Variants in ABCC12 observed in about 807,000 individuals in gnomAD.
ABCC12 encodes ATP binding cassette subfamily C member 12.
In ABCC12, 142 loss-of-function variants were observed where a neutral mutation model predicts 151.1. The ratio of observed to expected loss-of-function variants is 0.94; its 90% confidence interval spans 0.82 to 1.08. The LOEUF (loss-of-function observed/expected upper bound fraction) is 1.08, where lower values mean the gene tolerates loss of function less well. ABCC12 is among the 50% of genes least tolerant of loss of function. The pLI, the probability that ABCC12 is intolerant of heterozygous loss-of-function variation, is 0.00. For synonymous variants in ABCC12, 645 were observed against 646.4 expected, an observed-to-expected ratio of 1.00 and a Z score of 0.03; for missense variants, 1,638 against 1,691.1, an observed-to-expected ratio of 0.97 and a Z score of 0.55.
Position 48,105,294 on chromosome 16 carries a change from C to T in ABCC12, c.2518G>A (p.Gly840Ser), listed in dbSNP as rs777150842. Reference sequence around the variant, plus strand: ...TGACCGATGTCTGCCAGCACCGCGCCGACCTCACACATGGTCCTGTTGCCC... The same window carrying T: ...TGACCGATGTCTGCCAGCACCGCGCTGACCTCACACATGGTCCTGTTGCCC... ...PQGNRTMCEV[G>S]AVLADIGQHV... Residue 840 changes from glycine (G) to serine (S), a missense_variant, in exon 21 of 31, where the codon GGC becomes AGC. Transcript: ENST00000311303. 1.5e-5 allele frequency: 25 copies of T among 1,613,322 alleles called. No individual in the cohort carries two copies. Among genetic ancestry groups the T allele is most frequent in the Admixed American group, 8.3e-5 (5 of 59,956 alleles).
At position 48,111,668 on chromosome 16, in the gene ABCC12, G is replaced by A. The variant is rs1466565956; in HGVS notation, c.2125-6C>T. Reference sequence around the variant, plus strand: ...TTGTAAAGGTGTTCAGGATCCTGGAGACAAAATGAAATTCCTTCTGAATGC... The same window carrying A: ...TTGTAAAGGTGTTCAGGATCCTGGAAACAAAATGAAATTCCTTCTGAATGC... On this transcript the variant is annotated splice_region_variant and splice_polypyrimidine_tract_variant and intron_variant, in intron 16 of 30. Coordinates refer to ENST00000311303, the MANE Select transcript of ABCC12 (RefSeq NM_001393797.1). The A allele has an allele frequency of 1.2e-6, 2 of 1,614,120 alleles. No homozygotes were observed. The highest frequency in any genetic ancestry group is 2.2e-5 in the South Asian group (2 of 91,068).
intron 2 of ABCC12, among the ~76,000 whole-genome samples, chr16:48,151,554 C>G (rs1368260550): frequency 6.6e-6 from 1 of 152,202 alleles, no homozygotes; most frequent in African/African-American, 2.4e-5. Flanking sequence ...ACCATACTAA[C>G]ATGAGATGTT....
chr16:48,100,853 G>C lies in ABCC12; in HGVS notation c.3038+19C>G, dbSNP rs757329046. On this transcript the variant is annotated intron_variant, in intron 23 of 30. Transcript: ENST00000311303. ...CATGAAGCATGGGGGCCTGGGGCAG[G>C]GCCCCACATGGGACTCACTAGGTGA... 1.2e-6 allele frequency: 2 copies of C among 1,612,172 alleles called. No homozygotes were observed. The highest frequency in any genetic ancestry group is 4.5e-5 in the East Asian group (2 of 44,876).
rs1254060743 is a variant in ABCC12 at position 48,082,074 on chromosome 16, A to G, written c.*1641T>C. 1.3e-5 allele frequency among the ~76,000 whole-genome samples: 2 copies of G among 152,316 alleles called. No homozygotes were observed. The highest frequency in any genetic ancestry group is 1.9e-4 in the East Asian group (1 of 5,182). On this transcript the variant is annotated 3_prime_UTR_variant, in exon 31 of 31. Transcript: ENST00000311303. ...TGACCTTCAGTCAGGGTCATGCACC[A>G]TGGGGGAAAGCTCAGATCAGGCAAA... is the stretch of plus-strand genomic sequence containing the variant.
At chr16:48,126,401 C>T (rs1473524895) in intron 11 of ABCC12, among the ~76,000 whole-genome samples, 3 of 152,086 alleles carry the variant, frequency 2.0e-5, no homozygotes, top group East Asian at 1.9e-4. Context: ...TTCGGGATAA[C>T]GACATAACTG....
chr16:48,117,948 A>C (rs2150629873), intron 13 of ABCC12, among the ~76,000 whole-genome samples: 2 of 152,308 alleles, frequency 1.3e-5, no homozygotes, highest in Middle Eastern at 6.8e-3. Flanking sequence ...AGGGGGCGGA[A>C]TGGGAGAGAG....
At chr16:48,099,730 G>A (rs1400457516) in intron 23 of ABCC12, among the ~76,000 whole-genome samples, 3 of 152,124 alleles carry the variant, frequency 2.0e-5, no homozygotes, top group Non-Finnish European at 2.9e-5. Flanking sequence ...CTGGCCTCTC[G>A]CCTTGTCTTC....
chr16:48,142,710 G>GA (rs1431026945), intron 4 of ABCC12, among the ~76,000 whole-genome samples: 1 of 152,150 alleles, frequency 6.6e-6, no homozygotes, highest in East Asian at 1.9e-4. Flanking sequence ...GCAGCTGCTG[G>GA]AAAAAATGAA....
At chr16:48,089,050 G>A (rs1962762353) in intron 25 of ABCC12, among the ~76,000 whole-genome samples, 1 of 152,252 alleles carries the variant, frequency 6.6e-6, no homozygotes, top group Admixed American at 6.5e-5. Context: ...CATTGGACCT[G>A]AGGGCTGGAG....
At chr16:48,101,361 A>C (rs1597306434) in intron 22 of ABCC12, among the ~76,000 whole-genome samples, 1 of 152,232 alleles carries the variant, frequency 6.6e-6, no homozygotes, top group East Asian at 1.9e-4. Flanking sequence ...GTGCCCAGCC[A>C]GAGAAAAAGT....
chr16:48,112,636 T>C (rs900325577), intron 15 of ABCC12, among the ~76,000 whole-genome samples: 1 of 152,006 alleles, frequency 6.6e-6, no homozygotes, highest in African/African-American at 2.4e-5. Context: ...TCATGGAGAT[T>C]TGGAAAATAA....
rs986990830 is a variant in ABCC12 at position 48,143,957 on chromosome 16, G to C, written c.228C>G (p.Thr76=). The change falls in exon 4 of 31, where the codon ACC becomes ACG. Residue 76 remains threonine (T), a synonymous_variant. Coordinates refer to ENST00000311303, the MANE Select transcript of ABCC12 (RefSeq NM_001393797.1). ...AGTCATATGTCGACAATGGGGGCAGGGTGTCTACGGTCAGCCTTTGCCGGT... is the reference window on the plus strand; with the variant it reads ...AGTCATATGTCGACAATGGGGGCAGCGTGTCTACGGTCAGCCTTTGCCGGT... The part of the protein sequence containing the change: ...KGYRQRLTVD[T]LPPLSTYDSS... The C allele has an allele frequency of 1.2e-6, 2 of 1,614,082 alleles. No individual in the cohort carries two copies. The highest frequency in any genetic ancestry group is 8.5e-7 in the Non-Finnish European group (1 of 1,180,046).
chr16:48,085,969 T>G (rs976981695), intron 28 of ABCC12, among the ~76,000 whole-genome samples: 15 of 152,162 alleles, frequency 9.9e-5, no homozygotes, highest in African/African-American at 3.6e-4. Flanking sequence ...ATGATGCAGA[T>G]GCAGTCCCAG....
chr16:48,127,215 G>A (rs1213962230), intron 11 of ABCC12, among the ~76,000 whole-genome samples: 1 of 152,184 alleles, frequency 6.6e-6, no homozygotes, highest in Admixed American at 6.5e-5. Flanking sequence ...CAGGGAAAGA[G>A]TGAGTCAACA....
Position 48,146,460 on chromosome 16 carries a change from G to C in ABCC12, c.-36C>G, listed in dbSNP as rs1368430780. On this transcript the variant is annotated 5_prime_UTR_variant, in exon 3 of 31. Coordinates refer to ENST00000311303, the MANE Select transcript of ABCC12 (RefSeq NM_001393797.1). ...GCCTGGAGCCCTGGGCTTTTGGCCT[G>C]GGGACACTTTCACTCTATGGCAGAG... 1 of 1,554,836 alleles carries C rather than the reference G, an allele frequency of 6.4e-7. No homozygotes were observed. The highest frequency in any genetic ancestry group is 2.2e-5 in the East Asian group (1 of 44,612).
intron 24 of ABCC12, among the ~76,000 whole-genome samples, chr16:48,095,282 T>C (rs779630243): frequency 2.6e-5 from 4 of 152,184 alleles, no homozygotes; most frequent in Non-Finnish European, 5.9e-5. Context: ...CATTCTCTCT[T>C]GTCTGCCACC....
At chr16:48,085,207 T>C (rs766021694) in intron 29 of ABCC12, among the ~76,000 whole-genome samples, 1 of 152,116 alleles carries the variant, frequency 6.6e-6, no homozygotes, top group Non-Finnish European at 1.5e-5. Flanking sequence ...TAAGTATAAA[T>C]TCTACAATTC....
At chr16:48,086,568 T>C in intron 28 of ABCC12, 173 bp downstream of exon 28, 1 of 611,878 alleles carries the variant, frequency 1.6e-6, no homozygotes, top group Non-Finnish European at 2.9e-6. Flanking sequence ...GCCCTATTGT[T>C]GCTTTTAATA....
In ABCC12 at chr16:48,105,333, T is replaced by G. The variant is rs765125219; in HGVS notation, c.2479A>C (p.Thr827Pro). Residue 827 changes from threonine to proline, a missense_variant, in exon 21 of 31, where the codon ACC becomes CCC. Coordinates refer to ENST00000311303, the MANE Select transcript of ABCC12 (RefSeq NM_001393797.1). The part of the protein sequence containing the change: ...GLWLDKGSRM[T>P]CGPQGNRTMC... ...GTCCTGTTGCCCTGGGGCCCACAGG[T>G]CATCTTTGGAGAAAAACAAGAGAAG... The G allele has an allele frequency of 3.1e-6, 5 of 1,606,186 alleles. No individual in the cohort carries two copies. In the African/African-American group the frequency reaches 4.0e-5, roughly 13 times the overall value.
Sources: allele counts gnomAD v4.1 joint callset (sites outside exome capture counted in the v4.1 genomes callset), GRCh38; gene constraint gnomAD v4.1.1; transcripts MANE v1.5; gene names NCBI Gene and HGNC (gene_info 2026-07-23, HGNC 2026-07-21).